PIK3C2A: variants seen among roughly 807,000 people sequenced by gnomAD.
PIK3C2A encodes phosphatidylinositol 4-phosphate 3-kinase C2 domain-containing subunit alpha.
In PIK3C2A, 97 loss-of-function variants were observed where a neutral mutation model predicts 204.5. That is an observed-to-expected ratio of 0.47 (90% CI 0.40 to 0.56). The LOEUF is 0.56. Among genes scored for constraint, PIK3C2A ranks in the 20% least tolerant of loss-of-function variants. PIK3C2A has a pLI of 0.00. For synonymous variants in PIK3C2A, 653 were observed against 664.4 expected, an observed-to-expected ratio of 0.98 and a Z score of 0.26; for missense variants, 1,735 against 1,969.2, an observed-to-expected ratio of 0.88 and a Z score of 2.25.
intron 32 of PIK3C2A, among the ~76,000 whole-genome samples, chr11:17,090,328 G>A (rs1051627551): frequency 1.3e-5 from 2 of 152,092 alleles, no homozygotes; most frequent in Admixed American, 1.3e-4. Context: ...TCAGCCAGGC[G>A]TGGTGGCACA....
At chr11:17,195,789 C>T (rs1439753958) in intron 1 of PIK3C2A, among the ~76,000 whole-genome samples, 1 of 151,136 alleles carries the variant, frequency 6.6e-6, no homozygotes, top group Non-Finnish European at 1.5e-5. Flanking sequence ...CCTGTAATCC[C>T]AGCACTTTGG....
intron 1 of PIK3C2A, among the ~76,000 whole-genome samples, chr11:17,194,936 TAA>T (rs1852096256): frequency 6.6e-6 from 1 of 151,954 alleles, no homozygotes; most frequent in African/African-American, 2.4e-5. Context: ...AGATTAATTC[TAA>T]CTCTTAGATT....
In PIK3C2A at chr11:17,099,624, TTAAA is replaced by T. The variant is rs1848556434; in HGVS notation, c.4118+232_4118+235del. 2.6e-5 allele frequency among the ~76,000 whole-genome samples: 4 copies of T among 151,538 alleles called. No homozygotes were observed. The South Asian group carries it at 8.4e-4, about 32-fold the overall frequency. On this transcript the variant is annotated intron_variant, in intron 26 of 32. Transcript: ENST00000691414. ...ATGTTTTTATCATTGAAATTACATA[TTAAA>T]TAAACCTTGAGATATTTTGAGGCAA...
intron 2 of PIK3C2A, among the ~76,000 whole-genome samples, chr11:17,164,739 G>T (rs760038083): frequency 6.6e-6 from 1 of 152,054 alleles, no homozygotes; most frequent in Non-Finnish European, 1.5e-5. Context: ...AACTAATCCT[G>T]TTTGGCAGCC....
intron 1 of PIK3C2A, among the ~76,000 whole-genome samples, chr11:17,182,172 C>T (rs1212722988): frequency 1.3e-5 from 2 of 151,608 alleles, no homozygotes; most frequent in Non-Finnish European, 2.9e-5. Flanking sequence ...CTTTGGGGTA[C>T]TAGCAATGTT....
At chr11:17,182,820 A>G (rs1366467478) in intron 1 of PIK3C2A, among the ~76,000 whole-genome samples, 4 of 152,108 alleles carry the variant, frequency 2.6e-5, no homozygotes, top group African/African-American at 9.7e-5. Flanking sequence ...TTTATGTAAA[A>G]CATTCACTGC....
At chr11:17,153,271 A>G (rs1299474795) in intron 3 of PIK3C2A, among the ~76,000 whole-genome samples, 2 of 152,054 alleles carry the variant, frequency 1.3e-5, no homozygotes, top group African/African-American at 2.4e-5. Context: ...GTTTCTACTA[A>G]AAATACAAAA....
intron 8 of PIK3C2A, 152 bp downstream of exon 8, chr11:17,145,516 A>G (rs1409044458): frequency 1.1e-5 from 6 of 567,050 alleles, no homozygotes; most frequent in Admixed American, 3.4e-5. Context: ...TTGAACTGTA[A>G]GTCAATTAAA....
At chr11:17,157,145 G>T (rs1266339915) in intron 2 of PIK3C2A, among the ~76,000 whole-genome samples, 1 of 152,082 alleles carries the variant, frequency 6.6e-6, no homozygotes, top group Non-Finnish European at 1.5e-5. Flanking sequence ...CCTCATTTGA[G>T]ATATGAATTC....
Position 17,118,730 on chromosome 11 carries a change from A to C in PIK3C2A, c.2950T>G (p.Tyr984Asp). 4.6e-6 allele frequency: 7 copies of C among 1,520,772 alleles called. No individual in the cohort carries two copies. Among genetic ancestry groups the C allele is most frequent in the Non-Finnish European group, 6.4e-6 (7 of 1,098,330 alleles). 94.2% of individuals were successfully genotyped at this position (1,520,772 alleles called of 1,614,324 possible). The change falls in exon 18 of 33, where the codon TAT becomes GAT. Residue 984 changes from tyrosine to aspartate, a missense_variant. By Grantham distance (160) the Tyr-to-Asp change is radical. Coordinates refer to ENST00000691414, the MANE Select transcript of PIK3C2A (RefSeq NM_002645.4). ...AATGAACTATTCAAGTAAATTTCAT[A>C]TTTCAAAGCCTACAGTAAAAGAAAA... ...LLPQFVQALK[Y>D]EIYLNSSLVQ... is the part of the protein sequence containing the mutation.
chr11:17,148,466 A>G, intron 5 of PIK3C2A: 1 of 530,076 alleles, frequency 1.9e-6, no homozygotes, highest in South Asian at 2.5e-5. Flanking sequence ...ACAATGTCTC[A>G]CTTATCTCTG....
chr11:17,133,123 T>G (rs1247348195), intron 11 of PIK3C2A, among the ~76,000 whole-genome samples: 1 of 152,208 alleles, frequency 6.6e-6, no homozygotes, highest in Non-Finnish European at 1.5e-5. Flanking sequence ...TTTCTCAACT[T>G]TATTCCATTT....
chr11:17,157,033 C>T (rs781534449), intron 2 of PIK3C2A, among the ~76,000 whole-genome samples: 1 of 152,066 alleles, frequency 6.6e-6, no homozygotes, highest in Non-Finnish European at 1.5e-5. Context: ...CTAACTAAAA[C>T]GATAATAGGA....
intron 1 of PIK3C2A, among the ~76,000 whole-genome samples, chr11:17,175,124 C>G (rs1565292467): frequency 1.3e-5 from 2 of 152,016 alleles, no homozygotes; most frequent in Non-Finnish European, 2.9e-5. Flanking sequence ...TACACTTGTT[C>G]TAAGTATTTC....
At chr11:17,140,990 A>G (rs1850045500) in intron 8 of PIK3C2A, among the ~76,000 whole-genome samples, 1 of 152,190 alleles carries the variant, frequency 6.6e-6, no homozygotes. Flanking sequence ...AACAACATGC[A>G]CAGGGGTCCC....
At chr11:17,095,609 A>AT (rs1199542842) in intron 27 of PIK3C2A, among the ~76,000 whole-genome samples, 4 of 151,076 alleles carry the variant, frequency 2.6e-5, no homozygotes, top group African/African-American at 9.7e-5. Context: ...AAAAAAATAA[A>AT]AAAATAAATA....
At chr11:17,171,125 A>G (rs1487624534) in intron 1 of PIK3C2A, among the ~76,000 whole-genome samples, 1 of 152,174 alleles carries the variant, frequency 6.6e-6, no homozygotes, top group Non-Finnish European at 1.5e-5. Flanking sequence ...AAGAAGGTAT[A>G]TGACCTTGGG....
chr11:17,160,284 T>A (rs115032274), intron 2 of PIK3C2A, among the ~76,000 whole-genome samples: 118 of 151,950 alleles, frequency 7.8e-4, no homozygotes, highest in African/African-American at 2.8e-3. Context: ...AACAAAACCT[T>A]TGGAGGAATG....
chr11:17,105,384 C>CT (rs1565243583), intron 22 of PIK3C2A, 79 bp from the exon 23 acceptor site: 1 of 1,219,374 alleles, frequency 8.2e-7, no homozygotes, highest in African/African-American at 1.6e-5. Flanking sequence ...ATTATTATTA[C>CT]TTTTTAAATT....
Sources: gnomAD v4.1 joint callset for allele counts (sites outside exome capture counted in the v4.1 genomes callset) on GRCh38, gnomAD v4.1.1 for gene constraint, MANE v1.5 for transcripts, NCBI Gene and HGNC (gene_info 2026-07-23, HGNC 2026-07-21) for gene names.